Variants in ATP9A observed in about 807,000 individuals in gnomAD.
ATP9A encodes ATPase phospholipid transporting 9A, also known as probable phospholipid-transporting ATPase IIA.
A neutral mutation model predicts 144.1 loss-of-function variants in ATP9A; 52 were observed. The ratio of observed to expected loss-of-function variants is 0.36; its 90% confidence interval spans 0.29 to 0.45. ATP9A has a LOEUF of 0.45. Among genes scored for constraint, ATP9A ranks in the 20% least tolerant of loss-of-function variants. The pLI is 1.00. For missense variants in ATP9A, 947 were observed against 1,392.7 expected (o/e 0.68, Z 5.09); for synonymous variants, 582 against 557.4 (o/e 1.04, Z -0.62).
At chr20:51,654,179 T>C (rs924778310) in intron 14 of ATP9A, among the ~76,000 whole-genome samples, 1 of 152,094 alleles carries the variant, frequency 6.6e-6, no homozygotes, top group Non-Finnish European at 1.5e-5. Flanking sequence ...AAAAGCCTGG[T>C]TCAAATGTCA....
Position 51,676,222 on chromosome 20 carries a change from A to AAC in ATP9A, c.800-15_800-14insGT. ...CCACAACAGTACCTAAAATGGAAAAAAGAAAAAAAAAAAAAGAAAAGAAAT... is the reference window on the plus strand; with the variant it reads ...CCACAACAGTACCTAAAATGGAAAAAACAGAAAAAAAAAAAAAGAAAAGAAAT... On this transcript the variant is annotated splice_polypyrimidine_tract_variant and intron_variant, in intron 9 of 27. Transcript: ENST00000338821. 1 of 1,566,768 alleles carries AAC rather than the reference A, an allele frequency of 6.4e-7. No homozygotes were observed. Among genetic ancestry groups the AAC allele is most frequent in the Non-Finnish European group, 8.6e-7 (1 of 1,158,734 alleles).
At position 51,656,208 on chromosome 20, in the gene ATP9A, G is replaced by C. The variant is rs1401979423; in HGVS notation, c.1506+730C>G. ...GATAAAAATATCCTAATTTGATTGT[G>C]ATGATGGTTGCAAAAAAAAAAAAAA... On this transcript the variant is annotated intron_variant, in intron 14 of 27. Coordinates refer to ENST00000338821, the MANE Select transcript of ATP9A (RefSeq NM_006045.3). Among the ~76,000 whole-genome samples, 8 of 116,120 alleles carry C rather than the reference G, an allele frequency of 6.9e-5. No homozygotes were observed. The East Asian group carries it at 9.9e-4, about 14-fold the overall frequency. 76.2% of individuals were successfully genotyped at this position (116,120 alleles called of 152,430 possible).
At chr20:51,618,411 C>G (rs1439928324) in intron 21 of ATP9A, among the ~76,000 whole-genome samples, 2 of 152,184 alleles carry the variant, frequency 1.3e-5, no homozygotes, top group East Asian at 1.9e-4. Flanking sequence ...GTCTCCACCC[C>G]CTGGAAGGCT....
chr20:51,677,944 G>T (rs533500596), intron 9 of ATP9A, among the ~76,000 whole-genome samples: 1 of 152,128 alleles, frequency 6.6e-6, no homozygotes, highest in African/African-American at 2.4e-5. Flanking sequence ...GATCTATTTT[G>T]GAGAGAAATT....
chr20:51,696,259 T>C (rs1047018614), intron 5 of ATP9A, 115 bp from the exon 6 acceptor site: 7 of 757,458 alleles, frequency 9.2e-6, no homozygotes, highest in Non-Finnish European at 1.6e-5. Flanking sequence ...CAGGGGGGAC[T>C]GAAACTCACA....
intron 14 of ATP9A, among the ~76,000 whole-genome samples, chr20:51,650,766 G>A (rs1181228677): frequency 6.6e-6 from 1 of 152,012 alleles, no homozygotes; most frequent in Non-Finnish European, 1.5e-5. Flanking sequence ...ACCTAGAACT[G>A]CTGATTCATT....
intron 12 of ATP9A, 55 bp from the exon 13 acceptor site, chr20:51,670,164 T>C: frequency 3.7e-6 from 5 of 1,351,028 alleles, no homozygotes; most frequent in Non-Finnish European, 5.3e-6. Context: ...TTTGTTATTA[T>C]TAACAGTAAT....
chr20:51,653,752 A>C (rs2077376493), intron 14 of ATP9A, among the ~76,000 whole-genome samples: 1 of 150,438 alleles, frequency 6.6e-6, no homozygotes, highest in African/African-American at 2.5e-5. Context: ...ATACCACTGC[A>C]CTCCAGCCTG....
intron 27 of ATP9A, among the ~76,000 whole-genome samples, chr20:51,604,183 A>G (rs2077154150): frequency 8.2e-6 from 1 of 122,192 alleles, no homozygotes; most frequent in South Asian, 3.3e-4. Flanking sequence ...GCTCACACTC[A>G]CTTAATGTGT....
At chr20:51,658,888 C>CGGTGGG (rs746874247) in intron 13 of ATP9A, among the ~76,000 whole-genome samples, 689 of 54,290 alleles carry the variant, frequency 0.013, 56 homozygotes, top group East Asian at 0.1. Flanking sequence ...AGACCACTGG[C>CGGTGGG]GGGGGGGGGG....
chr20:51,660,602 G>A (rs2077406753), intron 13 of ATP9A, among the ~76,000 whole-genome samples: 1 of 152,192 alleles, frequency 6.6e-6, no homozygotes, highest in Non-Finnish European at 1.5e-5. Flanking sequence ...GTTCCAGGAA[G>A]GAGAGGAAAT....
chr20:51,623,925 G>A (rs1416859094), intron 18 of ATP9A, among the ~76,000 whole-genome samples: 1 of 152,104 alleles, frequency 6.6e-6, no homozygotes, highest in Admixed American at 6.6e-5. Flanking sequence ...CAGGAAACTA[G>A]AATGGTAAGT....
chr20:51,751,618 T>C (rs1236785832), intron 1 of ATP9A, among the ~76,000 whole-genome samples: 3 of 151,604 alleles, frequency 2.0e-5, no homozygotes, highest in Admixed American at 6.6e-5. Context: ...TGAGACAGAG[T>C]CTCGCTCTCC....
intron 27 of ATP9A, among the ~76,000 whole-genome samples, chr20:51,602,819 G>A (rs1010131819): frequency 6.6e-6 from 1 of 152,008 alleles, no homozygotes; most frequent in Non-Finnish European, 1.5e-5. Flanking sequence ...TCTCCTAATT[G>A]ACCACCTCCA....
At chr20:51,748,712 C>T (rs1322721435) in intron 1 of ATP9A, among the ~76,000 whole-genome samples, 1 of 152,186 alleles carries the variant, frequency 6.6e-6, no homozygotes. Context: ...AGCCATTCCC[C>T]TTCCAGATAT....
intron 4 of ATP9A, among the ~76,000 whole-genome samples, chr20:51,698,032 T>C (rs2077577966): frequency 1.3e-5 from 2 of 152,194 alleles, no homozygotes; most frequent in South Asian, 4.1e-4. Context: ...ACTGTACAGA[T>C]TTTGAAGGTT....
chr20:51,731,549 T>A (rs1040235649), intron 1 of ATP9A, among the ~76,000 whole-genome samples: 1 of 151,610 alleles, frequency 6.6e-6, no homozygotes, highest in African/African-American at 2.4e-5. Context: ...TGAAACCCCA[T>A]CTCTACTAGA....
intron 4 of ATP9A, among the ~76,000 whole-genome samples, chr20:51,703,113 T>C (rs1381162776): frequency 6.6e-6 from 1 of 152,198 alleles, no homozygotes; most frequent in African/African-American, 2.4e-5. Context: ...TGGTCAGTTT[T>C]GTGTTTTTTT....
chr20:51,726,290 G>A (rs575691058), intron 2 of ATP9A, among the ~76,000 whole-genome samples: 1 of 127,114 alleles, frequency 7.9e-6, no homozygotes, highest in Non-Finnish European at 1.6e-5. Context: ...TCCAACCTGG[G>A]CAACAAGAGC....
Sources: allele counts gnomAD v4.1 joint callset (sites outside exome capture counted in the v4.1 genomes callset), GRCh38; gene constraint gnomAD v4.1.1; transcripts MANE v1.5; gene names NCBI Gene and HGNC (gene_info 2026-07-23, HGNC 2026-07-21).